Variants in FRAS1 observed in about 807,000 individuals in gnomAD.
The protein encoded by FRAS1 is extracellular matrix organizing protein FRAS1.
Under a neutral mutation model 435.2 loss-of-function variants are expected in FRAS1, and 290 were observed. The ratio of observed to expected loss-of-function variants is 0.67; its 90% CI spans 0.61 to 0.73. The LOEUF is 0.73. Among genes scored for constraint, FRAS1 ranks in the 30% least tolerant of loss-of-function variants. FRAS1 has a pLI of 0.00. For missense variants in FRAS1, 4,860 were observed against 5,001.5 expected, an observed-to-expected ratio of 0.97 and a Z score of 0.85; for synonymous variants, 1,800 against 1,851.0, an observed-to-expected ratio of 0.97 and a Z score of 0.71.
At chr4:78,418,899 C>T in intron 32 of FRAS1, 50 bp from the exon 33 acceptor site, 1 of 1,154,280 alleles carries the variant, frequency 8.7e-7, no homozygotes. Context: ...TTGCCTCTGG[C>T]TTTTGTTTTT....
At chr4:78,464,935 T>C (rs1719482311) in intron 49 of FRAS1, among the ~76,000 whole-genome samples, 1 of 152,226 alleles carries the variant, frequency 6.6e-6, no homozygotes. Flanking sequence ...ACAGGGATTT[T>C]CTATACCTAT....
chr4:78,378,311 T>C (rs1731864163), intron 26 of FRAS1, among the ~76,000 whole-genome samples: 1 of 152,206 alleles, frequency 6.6e-6, no homozygotes, highest in African/African-American at 2.4e-5. Flanking sequence ...CCACATTTTA[T>C]TTATCCATTA....
chr4:78,229,455 T>C (rs1724422037), intron 2 of FRAS1, among the ~76,000 whole-genome samples: 1 of 152,150 alleles, frequency 6.6e-6, no homozygotes, highest in South Asian at 2.1e-4. Flanking sequence ...ATATTTCAGC[T>C]GAGACCTGGA....
intron 63 of FRAS1, among the ~76,000 whole-genome samples, chr4:78,509,477 G>T (rs28704649): frequency 0.32 from 49,139 of 151,916 alleles, 8,673 homozygotes; most frequent in South Asian, 0.52. Context: ...CCACATTTCT[G>T]TAATGCAGTA....
intron 29 of FRAS1, among the ~76,000 whole-genome samples, chr4:78,392,294 A>G (rs546445127): frequency 6.6e-6 from 1 of 152,266 alleles, no homozygotes; most frequent in South Asian, 2.1e-4. Flanking sequence ...ATTAAGGTAT[A>G]TTTTTACAGA....
At chr4:78,186,582 A>G (rs1235050190) in intron 2 of FRAS1, among the ~76,000 whole-genome samples, 1 of 152,114 alleles carries the variant, frequency 6.6e-6, no homozygotes, top group African/African-American at 2.4e-5. Context: ...GGTTTTTTTC[A>G]TGTAAAGCTT....
Position 78,472,220 on chromosome 4 carries a change from A to G in FRAS1, c.7412A>G (p.Asp2471Gly), listed in dbSNP as rs1578344216. The change falls in exon 52 of 74, where the codon GAC (aspartate) becomes GGC (glycine). Residue 2471 changes from aspartate (D) to glycine (G), a missense_variant. Physicochemically the swap from Asp to Gly is moderately conservative, Grantham distance 94 (BLOSUM62 -1). Transcript: ENST00000512123. ...LITKKELLTM[D>G]PDTEDAQLVY... is the part of the protein sequence containing the mutation. Reference sequence around the variant, plus strand: ...ACCAAGAAGGAACTGCTGACCATGGACCCAGACACCGAGGACGCGCAGCTT... The same window carrying G: ...ACCAAGAAGGAACTGCTGACCATGGGCCCAGACACCGAGGACGCGCAGCTT... The G allele has an allele frequency of 6.2e-7, 1 of 1,613,944 alleles. No individual in the cohort carries two copies. The highest frequency in any genetic ancestry group is 8.5e-7 in the Non-Finnish European group (1 of 1,179,846).
In FRAS1 at chr4:78,522,811, A is replaced by C; in HGVS notation, c.10808+3A>C. 6.3e-7 allele frequency: 1 copy of C among 1,599,134 alleles called. No homozygotes were observed. Among genetic ancestry groups the C allele is most frequent in the Non-Finnish European group, 8.5e-7 (1 of 1,173,944 alleles). On this transcript the variant is annotated splice_donor_region_variant and intron_variant, in intron 69 of 73. Coordinates refer to ENST00000512123, the MANE Select transcript of FRAS1 (RefSeq NM_025074.7). ...AGAGCCACAAGCTCTTATAACAGGT[A>C]AATACAGTGATGGAGGCCTCCATGG...
chr4:78,250,613 T>C (rs1725486586), intron 4 of FRAS1, among the ~76,000 whole-genome samples: 1 of 152,222 alleles, frequency 6.6e-6, no homozygotes, highest in Admixed American at 6.5e-5. Context: ...CATTAAAATT[T>C]AATTTTAAGT....
intron 2 of FRAS1, among the ~76,000 whole-genome samples, chr4:78,200,270 T>C (rs1003653430): frequency 2.6e-5 from 4 of 152,168 alleles, no homozygotes; most frequent in African/African-American, 9.7e-5. Context: ...AATGAAAAGA[T>C]CTCTTTTCCT....
chr4:78,220,834 T>TA (rs1424015144), intron 2 of FRAS1, among the ~76,000 whole-genome samples: 1 of 152,188 alleles, frequency 6.6e-6, no homozygotes, highest in Non-Finnish European at 1.5e-5. Flanking sequence ...AGAATACTAG[T>TA]AGCATTTTTT....
chr4:78,344,004 T>G (rs998689124), intron 20 of FRAS1, among the ~76,000 whole-genome samples: 2 of 151,880 alleles, frequency 1.3e-5, no homozygotes, highest in African/African-American at 4.8e-5. Context: ...TTGCCTTATT[T>G]TGATCACCAA....
At chr4:78,429,779 T>C (rs1734140852) in intron 36 of FRAS1, among the ~76,000 whole-genome samples, 1 of 152,238 alleles carries the variant, frequency 6.6e-6, no homozygotes, top group Non-Finnish European at 1.5e-5. Context: ...TTATCCAGTT[T>C]CTACATATGG....
chr4:78,440,017 C>CTTT (rs1163344254), intron 40 of FRAS1, among the ~76,000 whole-genome samples: 198 of 93,014 alleles, frequency 2.1e-3, no homozygotes, highest in Non-Finnish European at 2.5e-3. Context: ...TAAGTCATTT[C>CTTT]TTTTTTTTTT....
At position 78,058,035 on chromosome 4, in the gene FRAS1, G is replaced by A. The variant is rs1283664893; in HGVS notation, c.26G>A (p.Gly9Glu). 4 of 1,613,868 alleles carry A rather than the reference G, an allele frequency of 2.5e-6. No homozygotes were observed. The highest frequency in any genetic ancestry group is 3.4e-6 in the Non-Finnish European group (4 of 1,179,902). Residue 9 changes from glycine (G) to glutamate (E), a missense_variant, in exon 1 of 74, where the codon GGG becomes GAG. Gly to Glu is a moderately conservative substitution (Grantham distance 98). Coordinates refer to ENST00000512123, the MANE Select transcript of FRAS1 (RefSeq NM_025074.7). MGVLKVWLGLALALAEFAV... is the reference protein window; with the variant it reads MGVLKVWLELALALAEFAV... The stretch of plus-strand genomic sequence containing the variant: ...ATGGGTGTCCTCAAAGTGTGGCTCG[G>A]GCTGGCCCTAGCGTTGGCGGAATTT...
chr4:78,299,621 C>T (rs1294378872), intron 14 of FRAS1, among the ~76,000 whole-genome samples: 1 of 152,282 alleles, frequency 6.6e-6, no homozygotes, highest in Non-Finnish European at 1.5e-5. Flanking sequence ...TGATTTCATC[C>T]CCTACAGATG....
intron 14 of FRAS1, among the ~76,000 whole-genome samples, chr4:78,294,108 C>G (rs77380181): frequency 6.6e-6 from 1 of 152,342 alleles, no homozygotes; most frequent in East Asian, 1.9e-4. Flanking sequence ...CGTTCTTTCT[C>G]TTCTCCATTC....
intron 35 of FRAS1, among the ~76,000 whole-genome samples, chr4:78,425,288 T>C (rs11733912): frequency 0.16 from 24,038 of 152,008 alleles, 2,426 homozygotes; most frequent in Non-Finnish European, 0.24. Context: ...GTTGAGAAAC[T>C]TGGGTGTGGA....
chr4:78,398,843 C>T (rs1349075709), intron 29 of FRAS1, among the ~76,000 whole-genome samples: 1 of 152,184 alleles, frequency 6.6e-6, no homozygotes, highest in Non-Finnish European at 1.5e-5. Flanking sequence ...ATTAGCCAGG[C>T]ATGGTGGTAG....
Sources: allele counts gnomAD v4.1 joint callset (sites outside exome capture counted in the v4.1 genomes callset), GRCh38; gene constraint gnomAD v4.1.1; transcripts MANE v1.5; gene names NCBI Gene and HGNC (gene_info 2026-07-23, HGNC 2026-07-21).